The following ARHGAP22 variants were observed in gnomAD, a reference collection of about 807,000 sequenced individuals.
ARHGAP22 encodes rho GTPase-activating protein 22.
ARHGAP22 carries 48 observed loss-of-function variants against 59.1 expected under a neutral mutation model. The ratio of observed to expected loss-of-function variants is 0.81; its 90% CI spans 0.64 to 1.03. ARHGAP22 has a LOEUF of 1.03. Among genes scored for constraint, ARHGAP22 ranks in the 50% least tolerant of loss-of-function variants. The pLI is 0.00. For missense variants in ARHGAP22, 1,015 were observed against 958.7 expected, an observed-to-expected ratio of 1.06 and a Z score of -0.78; for synonymous variants, 445 against 416.4, an observed-to-expected ratio of 1.07 and a Z score of -0.84.
intron 3 of ARHGAP22, among the ~76,000 whole-genome samples, chr10:48,548,341 TCCCCCGG>T (rs1056221748): frequency 1.3e-5 from 2 of 151,864 alleles, no homozygotes; most frequent in African/African-American, 4.8e-5. Context: ...TAATCTCCAC[TCCCCCGG>T]CCCCACCCCA....
In ARHGAP22 at chr10:48,582,996, T is replaced by TC; in HGVS notation, c.190dup (p.Asp64GlyfsTer11). 1 of 1,614,200 alleles carries TC rather than the reference T, an allele frequency of 6.2e-7. No homozygotes were observed. Among genetic ancestry groups the TC allele is most frequent in the Middle Eastern group, 1.6e-4 (1 of 6,062 alleles). On this transcript the variant is annotated frameshift_variant, in exon 2 of 10. Transcript: ENST00000249601. LOFTEE classifies it high-confidence loss of function. The stretch of plus-strand genomic sequence containing the variant: ...TTTGTCCTTGTAGTAGAAAAGCTGA[T>TC]CCCCACGCAGCACAAACCAGCGCTG...
chr10:48,622,019 C>T (rs1279463413), intron 1 of ARHGAP22, among the ~76,000 whole-genome samples: 2 of 152,088 alleles, frequency 1.3e-5, no homozygotes, highest in African/African-American at 2.4e-5. Flanking sequence ...CACATTCAAC[C>T]TATTTGTGTC....
upstream of ARHGAP22, among the ~76,000 whole-genome samples, chr10:48,655,101 T>TCTCTTCTCTTCTCTC (rs1448345891): frequency 1.3e-5 from 1 of 75,340 alleles, no homozygotes. Flanking sequence ...TCTCTTCTCT[T>TCTCTTCTCTTCTCTC]CTCTTCTCTT....
intron 3 of ARHGAP22, among the ~76,000 whole-genome samples, chr10:48,502,933 C>T (rs553741400): frequency 6.6e-5 from 10 of 152,274 alleles, no homozygotes; most frequent in Non-Finnish European, 1.3e-4. Context: ...GGAAGGATCC[C>T]GGGGGCCTAC....
chr10:48,515,410 C>T (rs1421171260), intron 3 of ARHGAP22, among the ~76,000 whole-genome samples: 1 of 152,072 alleles, frequency 6.6e-6, no homozygotes, highest in Non-Finnish European at 1.5e-5. Context: ...AACATATATG[C>T]CCCTATAAAC....
At chr10:48,481,619 C>T (rs1410617203) in intron 3 of ARHGAP22, among the ~76,000 whole-genome samples, 1 of 152,184 alleles carries the variant, frequency 6.6e-6, no homozygotes, top group Non-Finnish European at 1.5e-5. Flanking sequence ...CCTGCCCCAA[C>T]GTGCTCTCAG....
upstream of ARHGAP22, among the ~76,000 whole-genome samples, chr10:48,609,796 A>G (rs2060812078): frequency 6.6e-6 from 1 of 152,158 alleles, no homozygotes; most frequent in Non-Finnish European, 1.5e-5. Context: ...CTGTTGCGAG[A>G]TCTTTAGAGG....
At chr10:48,582,166 C>T (rs971145730) in intron 2 of ARHGAP22, among the ~76,000 whole-genome samples, 5 of 152,308 alleles carry the variant, frequency 3.3e-5, no homozygotes, top group Middle Eastern at 3.4e-3. Context: ...AGCAAGATTC[C>T]GTGACCTGTG....
At position 48,646,252 on chromosome 10, in the gene ARHGAP22, C is replaced by T. The variant is rs181811940; in HGVS notation, c.52+5982G>A. On this transcript the variant is annotated intron_variant, in intron 1 of 9. Coordinates refer to the ARHGAP22 transcript ENST00000435790. ...TAAAGAATCAATATTGTCAGGATGGCAATTATCTTCCAATGAATCTACAAA... is the reference window on the plus strand; with the variant it reads ...TAAAGAATCAATATTGTCAGGATGGTAATTATCTTCCAATGAATCTACAAA... 1.8e-4 allele frequency among the ~76,000 whole-genome samples: 28 copies of T among 152,250 alleles called. No homozygotes were observed. The East Asian group carries it at 5.4e-3, about 29-fold the overall frequency.
chr10:48,522,053 G>T (rs1459199196), intron 3 of ARHGAP22, among the ~76,000 whole-genome samples: 1 of 152,220 alleles, frequency 6.6e-6, no homozygotes, highest in Non-Finnish European at 1.5e-5. Context: ...GTTCAAATTT[G>T]TTAAATGAGC....
intron 3 of ARHGAP22, chr10:48,532,854 A>G (rs2134978292): frequency 6.6e-6 from 1 of 152,278 alleles, no homozygotes; most frequent in East Asian, 1.9e-4. Flanking sequence ...TCCATGGTGT[A>G]TATGTTCACG....
intron 1 of ARHGAP22, among the ~76,000 whole-genome samples, chr10:48,629,740 G>A (rs920690104): frequency 1.3e-5 from 2 of 152,162 alleles, no homozygotes; most frequent in Non-Finnish European, 2.9e-5. Flanking sequence ...AAAATAGCTT[G>A]CTAGGATTTT....
At chr10:48,472,132 G>A (rs1425923443) in intron 4 of ARHGAP22, among the ~76,000 whole-genome samples, 4 of 149,744 alleles carry the variant, frequency 2.7e-5, no homozygotes, top group Non-Finnish European at 4.5e-5. Context: ...GCTTGAACCC[G>A]GGGGGGAAGA....
At chr10:48,463,794 G>A (rs1218169640) in intron 4 of ARHGAP22, among the ~76,000 whole-genome samples, 3 of 152,182 alleles carry the variant, frequency 2.0e-5, no homozygotes, top group Admixed American at 6.5e-5. Context: ...ACTGCCCAGA[G>A]CCACATGCTG....
At chr10:48,628,043 A>T (rs998356256) in intron 1 of ARHGAP22, among the ~76,000 whole-genome samples, 2 of 152,238 alleles carry the variant, frequency 1.3e-5, no homozygotes, top group Non-Finnish European at 2.9e-5. Flanking sequence ...CAATGGCCAC[A>T]GCTGGCATCA....
intron 1 of ARHGAP22, chr10:48,652,188 A>C (rs1175288426): frequency 6.6e-7 from 1 of 1,507,540 alleles, no homozygotes; most frequent in African/African-American, 1.4e-5. Flanking sequence ...AAGAAGTCAA[A>C]TGCAAAGGTA....
the ARHGAP22 span, among the ~76,000 whole-genome samples, chr10:48,434,304 G>A: frequency 6.6e-6 from 1 of 152,172 alleles, no homozygotes; most frequent in African/African-American, 2.4e-5. Flanking sequence ...GTAAAGTGGG[G>A]CAGTTGAATT....
At chr10:48,626,894 G>A (rs574431961) in intron 1 of ARHGAP22, among the ~76,000 whole-genome samples, 4 of 152,292 alleles carry the variant, frequency 2.6e-5, no homozygotes, top group African/African-American at 9.6e-5. Context: ...GGGTGAACCA[G>A]CCATGTGATT....
At chr10:48,518,777 C>T (rs958636462) in intron 3 of ARHGAP22, among the ~76,000 whole-genome samples, 4 of 152,166 alleles carry the variant, frequency 2.6e-5, no homozygotes, top group African/African-American at 9.7e-5. Flanking sequence ...ATGTGGGAGG[C>T]CTTGTTGGGA....
Sources: gnomAD v4.1 joint callset for allele counts (sites outside exome capture counted in the v4.1 genomes callset) on GRCh38, gnomAD v4.1.1 for gene constraint, MANE v1.5 for transcripts, NCBI Gene and HGNC (gene_info 2026-07-23, HGNC 2026-07-21) for gene names.